Variants in DSCAML1 observed in about 807,000 individuals in gnomAD.
The protein encoded by DSCAML1 is DS cell adhesion molecule like 1, also known as cell adhesion molecule DSCAML1.
DSCAML1 carries 38 observed loss-of-function variants against 200.5 expected under a neutral mutation model. That is an observed-to-expected ratio of 0.19 (90% CI 0.15 to 0.25). The LOEUF is 0.25. Ranked by LOEUF, DSCAML1 falls within the 10% of genes least tolerant of loss-of-function variation. The pLI is 1.00. For synonymous variants in DSCAML1, 1,215 were observed against 1,165.0 expected, an observed-to-expected ratio of 1.04 and a Z score of -0.87; for missense variants, 2,223 against 2,858.8, an observed-to-expected ratio of 0.78 and a Z score of 5.07.
Position 117,480,428 on chromosome 11 carries a change from T to C in DSCAML1, c.2785+15A>G, listed in dbSNP as rs4384406. 8 of 1,613,040 alleles carry C rather than the reference T, an allele frequency of 5.0e-6. No homozygotes were observed. Among genetic ancestry groups the C allele is most frequent in the Non-Finnish European group, 5.9e-6 (7 of 1,179,582 alleles). On this transcript the variant is annotated intron_variant, in intron 14 of 32. Transcript: ENST00000651296. This position sits in a 1 kb window ranked among gnomAD's most constrained non-coding sequence, Gnocchi z 4.1. The stretch of plus-strand genomic sequence containing the variant: ...ATGGCAGGCCACGCTGTCACCCTCC[T>C]GGCCCAGCGCCTACCTGATTTGTTC...
At chr11:117,563,796 G>C (rs2050706061) in intron 3 of DSCAML1, among the ~76,000 whole-genome samples, 1 of 152,178 alleles carries the variant, frequency 6.6e-6, no homozygotes, top group African/African-American at 2.4e-5. Flanking sequence ...ACCATTCTGA[G>C]GGCAGATTTG....
intron 3 of DSCAML1, among the ~76,000 whole-genome samples, chr11:117,710,168 A>G (rs1012599739): frequency 3.9e-5 from 6 of 152,302 alleles, no homozygotes; most frequent in South Asian, 2.1e-4. Flanking sequence ...TCTTGAGATC[A>G]TCGTTAAAGA....
At chr11:117,806,592 C>T (rs1224804727) in intron 1 of DSCAML1, among the ~76,000 whole-genome samples, 4 of 152,222 alleles carry the variant, frequency 2.6e-5, no homozygotes, top group Non-Finnish European at 5.9e-5. Context: ...GCATAATCTC[C>T]AAACAACCCT....
intron 3 of DSCAML1, among the ~76,000 whole-genome samples, chr11:117,616,972 G>A (rs925552425): frequency 7.9e-5 from 12 of 152,152 alleles, no homozygotes; most frequent in African/African-American, 2.7e-4. Flanking sequence ...ACATTTTCAT[G>A]GAGTTACAGT....
chr11:117,794,894 A>G (rs1487956151), intron 1 of DSCAML1, among the ~76,000 whole-genome samples: 1 of 152,144 alleles, frequency 6.6e-6, no homozygotes, highest in Non-Finnish European at 1.5e-5. Flanking sequence ...GAGCCTCTGA[A>G]TCGCAGGGGC....
intron 32 of DSCAML1, among the ~76,000 whole-genome samples, chr11:117,430,482 TAAGGCCACAGAGGTTAAATGACTTGCCC>T (rs1349778416): frequency 6.6e-6 from 1 of 152,226 alleles, no homozygotes; most frequent in South Asian, 2.1e-4. Flanking sequence ...ATGAGAAACT[TAAGGCCACAGAGGTTAAATGACTTGCCC>T]AAGGCCACAG....
intron 8 of DSCAML1, among the ~76,000 whole-genome samples, chr11:117,515,610 CTTTTTTTTTTTTTTTTT>C (rs56765238): frequency 1.5e-5 from 1 of 65,122 alleles, no homozygotes; most frequent in African/African-American, 8.4e-5. Flanking sequence ...AGGGACGAAG[CTTTTTTTTTTTTTTTTT>C]TTTTTTTTTG....
chr11:117,574,091 A>G (rs957967048), intron 3 of DSCAML1, among the ~76,000 whole-genome samples: 10 of 152,056 alleles, frequency 6.6e-5, no homozygotes, highest in Non-Finnish European at 1.2e-4. Context: ...CAGTGTGTCC[A>G]CCCACCCTTC....
In DSCAML1 at chr11:117,617,680, G is replaced by GCGCACA. The variant is rs1395796967; in HGVS notation, c.512-85159_512-85158insTGTGCG. Among the ~76,000 whole-genome samples, 34 of 143,010 alleles carry GCGCACA rather than the reference G, an allele frequency of 2.4e-4. No individual in the cohort carries two copies. In the South Asian group the frequency reaches 2.7e-3, roughly 11 times the overall value. 93.8% of individuals were successfully genotyped at this position (143,010 alleles called of 152,430 possible). ...GCCACAAGACAACACACAGGTACAC[G>GCGCACA]CACACACACACACACACACACACAC... is the stretch of plus-strand genomic sequence containing the variant. On this transcript the variant is annotated intron_variant, in intron 3 of 32. Coordinates refer to ENST00000651296, the MANE Select transcript of DSCAML1 (RefSeq NM_020693.4).
intron 11 of DSCAML1, among the ~76,000 whole-genome samples, chr11:117,494,106 G>A (rs12286920): frequency 0.22 from 33,948 of 152,042 alleles, 4,019 homozygotes; most frequent in African/African-American, 0.28. Context: ...TTCCATTTTA[G>A]ACATGAGAAA....
chr11:117,787,782 T>C (rs928034606), intron 1 of DSCAML1, among the ~76,000 whole-genome samples: 2 of 152,224 alleles, frequency 1.3e-5, no homozygotes, highest in Non-Finnish European at 2.9e-5. Flanking sequence ...CTTTTGCTAA[T>C]TCCCAGGCCT....
At chr11:117,767,451 G>A (rs773637677) in intron 3 of DSCAML1, among the ~76,000 whole-genome samples, 14 of 152,192 alleles carry the variant, frequency 9.2e-5, no homozygotes, top group Non-Finnish European at 2.1e-4. Flanking sequence ...AGTTTAGGGA[G>A]AGAATCCCAT....
At chr11:117,587,258 C>CCA (rs1555187507) in intron 3 of DSCAML1, among the ~76,000 whole-genome samples, 4 of 147,560 alleles carry the variant, frequency 2.7e-5, no homozygotes, top group Non-Finnish European at 3.0e-5. Context: ...TTCCAACCCC[C>CCA]CCCCACGATT....
intron 3 of DSCAML1, among the ~76,000 whole-genome samples, chr11:117,644,542 T>A (rs1444229407): frequency 6.6e-6 from 1 of 152,174 alleles, no homozygotes; most frequent in Non-Finnish European, 1.5e-5. Flanking sequence ...CCTTCCTCCC[T>A]CCCACAGACG....
intron 21 of DSCAML1, among the ~76,000 whole-genome samples, 171 bp downstream of exon 21, chr11:117,443,715 G>A (rs982682661): frequency 1.3e-5 from 2 of 152,250 alleles, no homozygotes; most frequent in Non-Finnish European, 2.9e-5. Context: ...GAGTCAGGGG[G>A]CAGCAGAGGC....
chr11:117,640,318 G>A (rs1401469124), intron 3 of DSCAML1, among the ~76,000 whole-genome samples: 3 of 152,174 alleles, frequency 2.0e-5, no homozygotes, highest in Non-Finnish European at 4.4e-5. Flanking sequence ...TCCTCATGAC[G>A]TGCTGGGAGA....
At chr11:117,646,471 C>T (rs2052524817) in intron 3 of DSCAML1, among the ~76,000 whole-genome samples, 1 of 152,176 alleles carries the variant, frequency 6.6e-6, no homozygotes, top group South Asian at 2.1e-4. Flanking sequence ...CGCTTCCTTC[C>T]CCTTACCAAC....
At chr11:117,441,969 G>A (rs189148905) in intron 21 of DSCAML1, among the ~76,000 whole-genome samples, 2 of 152,028 alleles carry the variant, frequency 1.3e-5, no homozygotes, top group African/African-American at 4.8e-5. Context: ...TGTGTCTCAG[G>A]GTGTGTGTGC....
At chr11:117,657,089 G>A (rs1034654851) in intron 3 of DSCAML1, among the ~76,000 whole-genome samples, 2 of 152,204 alleles carry the variant, frequency 1.3e-5, no homozygotes, top group African/African-American at 4.8e-5. Flanking sequence ...CTCCACAGGT[G>A]ACAGAGATGG....
Sources: allele counts gnomAD v4.1 joint callset (sites outside exome capture counted in the v4.1 genomes callset), GRCh38; gene constraint gnomAD v4.1.1; non-coding constraint Gnocchi (gnomAD v3.1); transcripts MANE v1.5; gene names NCBI Gene and HGNC (gene_info 2026-07-23, HGNC 2026-07-21).